The following ATL2 variants were observed in gnomAD, a reference collection of about 807,000 sequenced individuals.
The protein encoded by ATL2 is atlastin GTPase 2.
Under a neutral mutation model 73.9 loss-of-function variants are expected in ATL2, and 31 were observed. The ratio of observed to expected loss-of-function variants is 0.42; its 90% CI spans 0.32 to 0.57. ATL2 has a LOEUF of 0.57. ATL2 is among the 20% of genes least tolerant of loss of function. The pLI, the probability that ATL2 is intolerant of heterozygous loss-of-function variation, is 0.14. For synonymous variants in ATL2, 291 were observed against 237.5 expected, an observed-to-expected ratio of 1.23 and a Z score of -2.07; for missense variants, 738 against 702.6, an observed-to-expected ratio of 1.05 and a Z score of -0.57.
At chr2:38,346,646 C>T (rs1036840984) in intron 1 of ATL2, among the ~76,000 whole-genome samples, 3 of 152,176 alleles carry the variant, frequency 2.0e-5, no homozygotes, top group East Asian at 1.9e-4. Flanking sequence ...ATCCCTCACA[C>T]GTGCAGTTCA....
chr2:38,350,653 G>T (rs564085541), intron 1 of ATL2, among the ~76,000 whole-genome samples: 1 of 152,140 alleles, frequency 6.6e-6, no homozygotes, highest in Admixed American at 6.5e-5. Context: ...TTTAACAAAA[G>T]CACCACTGTG....
At chr2:38,314,870 C>T (rs924009648) in intron 5 of ATL2, among the ~76,000 whole-genome samples, 7 of 152,172 alleles carry the variant, frequency 4.6e-5, no homozygotes, top group Admixed American at 1.3e-4. Context: ...AACATTCAAT[C>T]GTGTTACCAG....
intron 2 of ATL2, among the ~76,000 whole-genome samples, chr2:38,336,263 A>G (rs1181633669): frequency 6.6e-6 from 1 of 152,256 alleles, no homozygotes; most frequent in Non-Finnish European, 1.5e-5. Flanking sequence ...AGTTATATGT[A>G]GCAGTGCGTA....
At position 38,303,732 on chromosome 2, in the gene ATL2, G is replaced by A. The variant is rs185995606; in HGVS notation, c.1072-3404C>T. Among the ~76,000 whole-genome samples the A allele has an allele frequency of 3.3e-5, 5 of 152,240 alleles. No homozygotes were observed. The East Asian group carries it at 9.6e-4, about 29-fold the overall frequency. On this transcript the variant is annotated intron_variant, in intron 9 of 12. Transcript: ENST00000378954. ...AATAACAAAGAACTACCCAAACCTAGATACCAATATTTAAGAACAAAAGAT... is the reference window on the plus strand; with the variant it reads ...AATAACAAAGAACTACCCAAACCTAAATACCAATATTTAAGAACAAAAGAT...
intron 2 of ATL2, among the ~76,000 whole-genome samples, chr2:38,331,451 A>AG (rs1225969704): frequency 6.6e-6 from 1 of 150,512 alleles, no homozygotes; most frequent in East Asian, 1.9e-4. Context: ...AAAAAAAAAA[A>AG]AAAAAAAAAT....
chr2:38,307,388 T>C (rs1014123404), intron 9 of ATL2, among the ~76,000 whole-genome samples: 1 of 149,440 alleles, frequency 6.7e-6, no homozygotes, highest in African/African-American at 2.5e-5. Context: ...CCTTGCTCTG[T>C]CGCCCAGGCT....
chr2:38,370,448 CAAAAAAAA>C (rs55964015), intron 1 of ATL2, among the ~76,000 whole-genome samples: 13,843 of 54,474 alleles, frequency 0.25, 667 homozygotes, highest in Non-Finnish European at 0.36. Context: ...GACTCTGTCC[CAAAAAAAA>C]AAAAAAAAAA....
rs557541204 is a variant in ATL2, at chr2:38,324,897, T to TA, written c.364-5879dup. Among the ~76,000 whole-genome samples the TA allele has an allele frequency of 1.2e-4, 19 of 152,238 alleles. No individual in the cohort carries two copies. The South Asian group carries it at 3.9e-3, about 32-fold the overall frequency. The stretch of plus-strand genomic sequence containing the variant: ...GGGATTGGGGAGAGAAATGGGGAGT[T>TA]AGTGTTTAATGGGCACAGAGCTTCA... On this transcript the variant is annotated intron_variant, in intron 2 of 12. Coordinates refer to ENST00000378954, the MANE Select transcript of ATL2 (RefSeq NM_001135673.4).
At chr2:38,318,705 A>C in intron 3 of ATL2, 66 bp from the exon 4 acceptor site, 1 of 1,411,658 alleles carries the variant, frequency 7.1e-7, no homozygotes, top group South Asian at 1.3e-5. Context: ...AAAAAAATCA[A>C]ATGATAAATT....
At chr2:38,366,993 T>C (rs1671365659) in intron 1 of ATL2, among the ~76,000 whole-genome samples, 1 of 152,036 alleles carries the variant, frequency 6.6e-6, no homozygotes, top group Non-Finnish European at 1.5e-5. Context: ...TTTAAGACAT[T>C]ATCTTTATTA....
intron 1 of ATL2, among the ~76,000 whole-genome samples, chr2:38,374,971 C>T (rs940139024): frequency 6.6e-6 from 1 of 152,208 alleles, no homozygotes; most frequent in Non-Finnish European, 1.5e-5. Context: ...TGTAAGGCAG[C>T]TACTTCTCCC....
At chr2:38,378,482 C>A (rs1672096933), upstream of ATL2, among the ~76,000 whole-genome samples, 1 of 152,212 alleles carries the variant, frequency 6.6e-6, no homozygotes, top group Non-Finnish European at 1.5e-5. Context: ...CGTGATCCAC[C>A]CGCCTCAGCC....
chr2:38,366,580 CT>C (rs1671344301), intron 1 of ATL2, among the ~76,000 whole-genome samples: 1 of 152,188 alleles, frequency 6.6e-6, no homozygotes, highest in African/African-American at 2.4e-5. Context: ...TCTACCCATT[CT>C]TCAAAGCACG....
chr2:38,356,506 C>T (rs1187482599), intron 1 of ATL2, among the ~76,000 whole-genome samples: 1 of 152,118 alleles, frequency 6.6e-6, no homozygotes, highest in African/African-American at 2.4e-5. Flanking sequence ...TATTACTTTA[C>T]ATACAGTCTT....
chr2:38,353,759 T>G (rs1045664310), intron 1 of ATL2, among the ~76,000 whole-genome samples: 2 of 152,224 alleles, frequency 1.3e-5, no homozygotes, highest in African/African-American at 4.8e-5. Context: ...AACTGCTGCT[T>G]ATCACATCAT....
intron 6 of ATL2, among the ~76,000 whole-genome samples, chr2:38,314,068 G>A (rs887265895): frequency 2.0e-5 from 3 of 152,096 alleles, no homozygotes; most frequent in Admixed American, 6.6e-5. Flanking sequence ...CTGTCATACC[G>A]GAAAGGCTTC....
At chr2:38,322,114 TCAC>T (rs1413686322) in intron 2 of ATL2, among the ~76,000 whole-genome samples, 1 of 152,086 alleles carries the variant, frequency 6.6e-6, no homozygotes, top group Non-Finnish European at 1.5e-5. Flanking sequence ...TCATCTTTGT[TCAC>T]CAAACTGCTC....
chr2:38,357,254 G>A (rs1315577854), intron 1 of ATL2, among the ~76,000 whole-genome samples: 2 of 152,038 alleles, frequency 1.3e-5, no homozygotes, highest in Non-Finnish European at 2.9e-5. Flanking sequence ...CTTGAACCCA[G>A]GAGGCAGAGG....
intron 7 of ATL2, among the ~76,000 whole-genome samples, chr2:38,312,806 T>G (rs1396573116): frequency 6.6e-6 from 1 of 152,094 alleles, no homozygotes; most frequent in African/African-American, 2.4e-5. Context: ...CTGTTAAGCC[T>G]GTGGAACTGT....
Sources: allele counts gnomAD v4.1 joint callset (sites outside exome capture counted in the v4.1 genomes callset), GRCh38; gene constraint gnomAD v4.1.1; transcripts MANE v1.5; gene names NCBI Gene and HGNC (gene_info 2026-07-23, HGNC 2026-07-21).